Variants in RFC3 observed in about 807,000 individuals in gnomAD.
RFC3 encodes the protein replication factor C subunit 3.
RFC3 carries 41 observed loss-of-function variants against 45.1 expected under a neutral mutation model. That is an observed-to-expected ratio of 0.91 (90% CI 0.71 to 1.18). The LOEUF is 1.18. RFC3 is among the 50% of genes most tolerant of loss of function. The probability of loss-of-function intolerance (pLI) is 0.00; values close to 1 mark genes in which losing one functional copy is unlikely to be tolerated. For synonymous variants in RFC3, 149 were observed against 144.0 expected (o/e 1.03, Z -0.25); for missense variants, 423 against 428.1 (o/e 0.99, Z 0.10).
chr13:33,852,468 T>G (rs1232942587), intron 8 of RFC3, among the ~76,000 whole-genome samples: 1 of 152,166 alleles, frequency 6.6e-6, no homozygotes, highest in African/African-American at 2.4e-5. Context: ...CCACTGAATC[T>G]GTTTTGTTGA....
chr13:33,903,197 C>T (rs1391570086), intron 8 of RFC3, among the ~76,000 whole-genome samples: 1 of 151,998 alleles, frequency 6.6e-6, no homozygotes, highest in African/African-American at 2.4e-5. Context: ...AGTTCTCTGT[C>T]ACTTTCTCAG....
At chr13:33,901,656 C>G (rs575387335) in intron 8 of RFC3, among the ~76,000 whole-genome samples, 1 of 152,100 alleles carries the variant, frequency 6.6e-6, no homozygotes, top group South Asian at 2.1e-4. Context: ...TTATAATAAT[C>G]TATTTTACGT....
chr13:33,867,470 A>G (rs1175181329), intron 8 of RFC3, among the ~76,000 whole-genome samples: 2 of 152,222 alleles, frequency 1.3e-5, no homozygotes, highest in Non-Finnish European at 1.5e-5. Flanking sequence ...AAACTTAATC[A>G]TTTTAAGCCA....
downstream of RFC3, among the ~76,000 whole-genome samples, chr13:33,840,805 C>T (rs1388678803): frequency 2.6e-5 from 4 of 151,776 alleles, no homozygotes; most frequent in Non-Finnish European, 2.9e-5. Context: ...ATCATAAATG[C>T]CTAAAATATG....
intron 8 of RFC3, among the ~76,000 whole-genome samples, chr13:33,853,566 G>A (rs1179528876): frequency 6.6e-6 from 1 of 152,086 alleles, no homozygotes; most frequent in African/African-American, 2.4e-5. Flanking sequence ...GATTAATAAA[G>A]GAAAGTAGGC....
chr13:33,965,969 G>T (rs969256173), intron 8 of RFC3: 10 of 699,146 alleles, frequency 1.4e-5, no homozygotes, highest in Non-Finnish European at 2.5e-6. Flanking sequence ...TTCGTAGCTT[G>T]CTCCTGAGCC....
At chr13:33,932,580 A>G (rs949112276) in intron 8 of RFC3, among the ~76,000 whole-genome samples, 2 of 152,130 alleles carry the variant, frequency 1.3e-5, no homozygotes, top group Admixed American at 1.3e-4. Flanking sequence ...ATGAAACTGT[A>G]GAACTGGGCC....
intron 8 of RFC3, among the ~76,000 whole-genome samples, chr13:33,861,776 AATG>A (rs2082342694): frequency 1.3e-5 from 2 of 152,204 alleles, no homozygotes; most frequent in Admixed American, 1.3e-4. Context: ...AGGCTCCCAA[AATG>A]ATTTTTCACT....
In RFC3 at chr13:33,886,623, CT is replaced by C. The variant is rs902257978; in HGVS notation, c.879+51416del. ...CTGTTTTCTTGCATCTGAAAGCATC[CT>C]TTTTTTTTTCAATTTTATTATTATT... On this transcript the variant is annotated intron_variant, in intron 8 of 8. Coordinates refer to the RFC3 transcript ENST00000434425. Among the ~76,000 whole-genome samples, 217 of 146,212 alleles carry C rather than the reference CT, an allele frequency of 1.5e-3. 1 individual carries two copies. The highest frequency in any genetic ancestry group is 5.0e-3 in the African/African-American group (201 of 39,932).
chr13:33,914,216 C>A (rs1014268982), intron 8 of RFC3, among the ~76,000 whole-genome samples: 4 of 151,998 alleles, frequency 2.6e-5, no homozygotes, highest in African/African-American at 4.8e-5. Flanking sequence ...ATTGTTGAGT[C>A]AAGTTTTGGA....
Position 33,899,142 on chromosome 13 carries a change from C to A in RFC3, c.879+63925C>A, listed in dbSNP as rs556377037. 4.4e-4 allele frequency among the ~76,000 whole-genome samples: 56 copies of A among 128,682 alleles called. No homozygotes were observed. The South Asian group carries it at 0.014, about 32-fold the overall frequency. The allele number at this position is 128,682 out of a possible 152,430, so 84.4% of individuals were successfully genotyped here. A position where few individuals can be genotyped will look rare whatever the true frequency, so the allele number is the denominator to read the frequency against. Reference sequence around the variant, plus strand: ...CAAAAAAATTGAAGAGGAGAAAATACTTTAAACTCCTATGGAGCCAGCATT... The same window carrying A: ...CAAAAAAATTGAAGAGGAGAAAATAATTTAAACTCCTATGGAGCCAGCATT... On this transcript the variant is annotated intron_variant, in intron 8 of 8. Transcript: ENST00000434425.
chr13:33,951,370 T>C lies in RFC3; in HGVS notation c.880-14717T>C, dbSNP rs532706048. ...CCTCAGCCTCCCGAGTAGCTGGGAA[T>C]ACAGGTGCATGCCACCACGCCTGGC... On this transcript the variant is annotated intron_variant, in intron 8 of 8. Transcript: ENST00000434425. 9.9e-5 allele frequency among the ~76,000 whole-genome samples: 15 copies of C among 151,850 alleles called. No homozygotes were observed. In the East Asian group the frequency reaches 2.3e-3, roughly 24 times the overall value.
At chr13:33,934,172 A>G (rs1332013638) in intron 8 of RFC3, among the ~76,000 whole-genome samples, 1 of 143,192 alleles carries the variant, frequency 7.0e-6, no homozygotes, top group Non-Finnish European at 1.5e-5. Flanking sequence ...TCTCTACTAA[A>G]AGAAAAAAAA....
intron 8 of RFC3, among the ~76,000 whole-genome samples, chr13:33,877,795 A>G (rs1228286753): frequency 6.7e-6 from 1 of 148,642 alleles, no homozygotes; most frequent in Non-Finnish European, 1.5e-5. Flanking sequence ...TTATTATTAT[A>G]TAATATAGTT....
At chr13:33,829,309 GTC>G (rs1195324502) in intron 4 of RFC3, among the ~76,000 whole-genome samples, 2 of 152,154 alleles carry the variant, frequency 1.3e-5, no homozygotes, top group Non-Finnish European at 2.9e-5. Flanking sequence ...GTCTTCCAAA[GTC>G]TATTCCTTGG....
In RFC3 at chr13:33,845,011, A is replaced by G. The variant is rs948998371; in HGVS notation, c.879+9794A>G. Among the ~76,000 whole-genome samples the G allele has an allele frequency of 5.3e-5, 8 of 152,330 alleles. No homozygotes were observed. In the East Asian group the frequency reaches 5.8e-4, roughly 11 times the overall value. On this transcript the variant is annotated intron_variant, in intron 8 of 8. Coordinates refer to the RFC3 transcript ENST00000434425. The stretch of plus-strand genomic sequence containing the variant: ...AGCTTTTGTTTATCTGGGAAAGTCT[A>G]TATTTCTCCTTAAATGTTTGAAGGA...
intron 8 of RFC3, among the ~76,000 whole-genome samples, chr13:33,867,860 A>C (rs1464117192): frequency 6.6e-6 from 1 of 152,208 alleles, no homozygotes; most frequent in African/African-American, 2.4e-5. Context: ...ATACATTGGT[A>C]TATTTTGACT....
chr13:33,880,942 G>A (rs993455805), intron 8 of RFC3, among the ~76,000 whole-genome samples: 1 of 152,094 alleles, frequency 6.6e-6, no homozygotes, highest in Non-Finnish European at 1.5e-5. Context: ...TGTAGTCCCA[G>A]CTACTCGGGA....
chr13:33,965,045 T>C lies in RFC3; in HGVS notation c.880-1042T>C, dbSNP rs561246259. Among the ~76,000 whole-genome samples, 17 of 152,282 alleles carry C rather than the reference T, an allele frequency of 1.1e-4. 1 individual carries two copies. The East Asian group carries it at 1.4e-3, about 12-fold the overall frequency. On this transcript the variant is annotated intron_variant, in intron 8 of 8. Transcript: ENST00000434425. ...CCCCTAGAGTCTCTGGGGGAAAGTC[T>C]GGCCCTGTTGACACCTTGAATTTGA...
Sources: allele counts gnomAD v4.1 joint callset (sites outside exome capture counted in the v4.1 genomes callset), GRCh38; gene constraint gnomAD v4.1.1; transcripts MANE v1.5; gene names NCBI Gene and HGNC (gene_info 2026-07-23, HGNC 2026-07-21).